The following PPP4R4 variants were observed in gnomAD, a reference collection of about 807,000 sequenced individuals.
PPP4R4 encodes protein phosphatase 4 regulatory subunit 4.
A neutral mutation model predicts 121.8 loss-of-function variants in PPP4R4; 70 were observed. That is an observed-to-expected ratio of 0.57 (90% confidence interval 0.47 to 0.70). The LOEUF (loss-of-function observed/expected upper bound fraction) is 0.70. Among genes scored for constraint, PPP4R4 ranks in the 30% least tolerant of loss-of-function variants. The pLI, the probability that PPP4R4 is intolerant of heterozygous loss-of-function variation, is 0.00. For missense variants in PPP4R4, 875 were observed against 1,033.6 expected (o/e 0.85, Z 2.10); for synonymous variants, 348 against 355.7 (o/e 0.98, Z 0.24).
At chr14:94,277,209 G>C (rs867251519) in intron 24 of PPP4R4, among the ~76,000 whole-genome samples, 3 of 152,194 alleles carry the variant, frequency 2.0e-5, no homozygotes, top group African/African-American at 7.2e-5. Context: ...GCTGAGGCAG[G>C]AGAATCGCTT....
intron 2 of PPP4R4, among the ~76,000 whole-genome samples, chr14:94,178,579 A>C (rs1275013586): frequency 2.0e-5 from 3 of 152,132 alleles, no homozygotes; most frequent in Non-Finnish European, 4.4e-5. Context: ...TCGATAAAAA[A>C]CAAATTATAC....
chr14:94,230,839 G>T, intron 4 of PPP4R4, 105 bp downstream of exon 4: 6 of 1,291,620 alleles, frequency 4.6e-6, no homozygotes, highest in Non-Finnish European at 6.3e-6. Context: ...ACTGAGTAAG[G>T]CCATGCTGCC....
At chr14:94,271,222 A>G (rs1894311531) in intron 23 of PPP4R4, among the ~76,000 whole-genome samples, 1 of 152,222 alleles carries the variant, frequency 6.6e-6, no homozygotes, top group Non-Finnish European at 1.5e-5. Context: ...GAAAAGAATA[A>G]TACATACCAA....
At chr14:94,256,633 A>C in intron 17 of PPP4R4, 29 bp downstream of exon 17, 1 of 1,546,554 alleles carries the variant, frequency 6.5e-7, no homozygotes. Context: ...ACAATGTTGC[A>C]TTTTTTGCAT....
intron 7 of PPP4R4, among the ~76,000 whole-genome samples, chr14:94,236,351 A>G (rs542208174): frequency 1.3e-5 from 2 of 152,222 alleles, no homozygotes; most frequent in Non-Finnish European, 2.9e-5. Context: ...AATAAATTCA[A>G]GGATTTCAGT....
At chr14:94,248,843 T>C (rs960050063) in intron 14 of PPP4R4, among the ~76,000 whole-genome samples, 21 of 152,188 alleles carry the variant, frequency 1.4e-4, no homozygotes, top group African/African-American at 5.1e-4. Context: ...CTTAATTTTT[T>C]CCCTTGAATT....
chr14:94,279,492 C>T lies in PPP4R4; in HGVS notation c.*849C>T, dbSNP rs1894818219. The T allele has an allele frequency of 1.3e-5, 2 of 152,520 alleles. No individual in the cohort carries two copies. Among genetic ancestry groups the T allele is most frequent in the South Asian group, 4.1e-4 (2 of 4,832 alleles). 9.4% of individuals were successfully genotyped at this position (152,520 alleles called of 1,614,324 possible). On this transcript the variant is annotated 3_prime_UTR_variant, in exon 25 of 25. Transcript: ENST00000304338. ...TCAAAATTTGCCTGTGGAATATATA[C>T]AGTTCTTAATTTTAAACTGTCAGTT...
chr14:94,246,636 G>A, intron 14 of PPP4R4, 97 bp downstream of exon 14: 1 of 1,319,292 alleles, frequency 7.6e-7, no homozygotes, highest in South Asian at 1.5e-5. Flanking sequence ...AACAAACTCA[G>A]TTCATTCCAT....
At chr14:94,265,682 G>C (rs778199352) in intron 21 of PPP4R4, 112 bp from the exon 22 acceptor site, 2 of 901,274 alleles carry the variant, frequency 2.2e-6, no homozygotes, top group Non-Finnish European at 3.4e-6. Context: ...AGGAAAAAAG[G>C]CTAAAGCCAT....
chr14:94,212,846 C>T (rs986059080), intron 3 of PPP4R4, among the ~76,000 whole-genome samples: 1 of 152,036 alleles, frequency 6.6e-6, no homozygotes, highest in Non-Finnish European at 1.5e-5. Context: ...ATAATTACAC[C>T]ACATAACGAA....
At chr14:94,271,466 AT>A (rs1185708685) in intron 23 of PPP4R4, among the ~76,000 whole-genome samples, 1 of 152,142 alleles carries the variant, frequency 6.6e-6, no homozygotes. Context: ...CCCAACACCT[AT>A]TCATGATAAA....
At position 94,221,668 on chromosome 14, in the gene PPP4R4, CA is replaced by C. The variant is rs202176919; in HGVS notation, c.295-8913del. Among the ~76,000 whole-genome samples the C allele has an allele frequency of 6.5e-3, 993 of 151,956 alleles. 6 individuals carry two copies. The highest frequency in any genetic ancestry group is 0.044 in the Middle Eastern group (13 of 294). On this transcript the variant is annotated intron_variant, in intron 3 of 24. Transcript: ENST00000304338. ...GTTAAAATATCTGTACTAAAAATAACAAAAAACAAACAAACAAAAAAACAGC... is the reference window on the plus strand; with the variant it reads ...GTTAAAATATCTGTACTAAAAATAACAAAAACAAACAAACAAAAAAACAGC...
At chr14:94,245,057 G>A (rs554922498) in intron 12 of PPP4R4, among the ~76,000 whole-genome samples, 1 of 151,630 alleles carries the variant, frequency 6.6e-6, no homozygotes, top group African/African-American at 2.4e-5. Context: ...TCTATATAAA[G>A]GTTTTTATTT....
intron 3 of PPP4R4, among the ~76,000 whole-genome samples, chr14:94,226,492 G>A (rs1332419244): frequency 6.6e-6 from 1 of 152,022 alleles, no homozygotes. Context: ...GTGGAATGTG[G>A]CAATCAGGGA....
intron 2 of PPP4R4, among the ~76,000 whole-genome samples, chr14:94,183,507 G>A (rs759969732): frequency 6.6e-6 from 1 of 152,132 alleles, no homozygotes; most frequent in Admixed American, 6.5e-5. Flanking sequence ...GAATATAAAG[G>A]GTTTGGAGAT....
Position 94,258,833 on chromosome 14 carries a change from A to T in PPP4R4, c.2052+9A>T, listed in dbSNP as rs772080497. On this transcript the variant is annotated intron_variant, in intron 18 of 24. Transcript: ENST00000304338. ...AAATGTCTATGGATGCTGTAAGTATACTCTCTTTACCTTATTGTGTTGGTC... is the reference window on the plus strand; with the variant it reads ...AAATGTCTATGGATGCTGTAAGTATTCTCTCTTTACCTTATTGTGTTGGTC... 1.1e-5 allele frequency: 18 copies of T among 1,580,888 alleles called. No individual in the cohort carries two copies. Among genetic ancestry groups the T allele is most frequent in the South Asian group, 4.4e-5 (4 of 90,274 alleles).
In PPP4R4 at chr14:94,264,900, A is replaced by C. The variant is rs749241502; in HGVS notation, c.2150A>C (p.Gln717Pro). The change falls in exon 20 of 25, where the codon CAA (glutamine) becomes CCA (proline). Residue 717 changes from glutamine (Q) to proline (P), a missense_variant. Coordinates refer to ENST00000304338, the MANE Select transcript of PPP4R4 (RefSeq NM_058237.2). ...LEMEQLEKEK[Q>P]QNDGRPMSDK... is the part of the protein sequence containing the mutation. The stretch of plus-strand genomic sequence containing the variant: ...CAGGAACAATTAGAGAAAGAAAAGC[A>C]ACAGAATGATGGAAGGCCCATGAGT... The C allele has an allele frequency of 6.2e-7, 1 of 1,605,732 alleles. No homozygotes were observed. The highest frequency in any genetic ancestry group is 1.7e-5 in the Admixed American group (1 of 57,438).
chr14:94,222,517 T>G (rs933506069), intron 3 of PPP4R4, among the ~76,000 whole-genome samples: 1 of 151,906 alleles, frequency 6.6e-6, no homozygotes, highest in African/African-American at 2.4e-5. Flanking sequence ...CCAATATCTA[T>G]TTAGATTTAC....
chr14:94,272,921 A>G (rs1894414532), intron 23 of PPP4R4, among the ~76,000 whole-genome samples: 1 of 152,210 alleles, frequency 6.6e-6, no homozygotes, highest in Non-Finnish European at 1.5e-5. Context: ...CATCAGGTTT[A>G]TGCAAATTAA....
Sources: allele counts gnomAD v4.1 joint callset (sites outside exome capture counted in the v4.1 genomes callset), GRCh38; gene constraint gnomAD v4.1.1; transcripts MANE v1.5; gene names NCBI Gene and HGNC (gene_info 2026-07-23, HGNC 2026-07-21).